Variants in OSBPL3 observed in about 807,000 individuals in gnomAD.
The protein encoded by OSBPL3 is oxysterol binding protein like 3, also known as oxysterol-binding protein-related protein 3.
OSBPL3 carries 65 observed loss-of-function variants against 120.1 expected under a neutral mutation model. The ratio of observed to expected loss-of-function variants is 0.54; its 90% confidence interval spans 0.44 to 0.67. OSBPL3 has a LOEUF of 0.67. Ranked by LOEUF, OSBPL3 falls within the 30% of genes least tolerant of loss-of-function variation. OSBPL3 has a pLI of 0.00. For missense variants in OSBPL3, 1,004 were observed against 1,082.1 expected, an observed-to-expected ratio of 0.93 and a Z score of 1.01; for synonymous variants, 416 against 402.6, an observed-to-expected ratio of 1.03 and a Z score of -0.40.
chr7:24,841,717 A>G (rs13310969), intron 13 of OSBPL3, among the ~76,000 whole-genome samples: 2,454 of 82,386 alleles, frequency 0.03, 268 homozygotes, highest in African/African-American at 0.059. Context: ...AAAAAAAAAA[A>G]AAAAGAGGCC....
intron 1 of OSBPL3, among the ~76,000 whole-genome samples, 200 bp downstream of exon 1, chr7:24,979,686 C>T (rs1416911838): frequency 6.6e-6 from 1 of 152,164 alleles, no homozygotes; most frequent in African/African-American, 2.4e-5. Flanking sequence ...CCCGGGTCCT[C>T]CTTCCCCGGG....
chr7:24,974,495 G>A (rs1333875819), intron 1 of OSBPL3, among the ~76,000 whole-genome samples: 1 of 152,154 alleles, frequency 6.6e-6, no homozygotes, highest in Non-Finnish European at 1.5e-5. Flanking sequence ...CTTGTGCCAG[G>A]TTCTGTTCTA....
At position 24,892,848 on chromosome 7, in the gene OSBPL3, T is replaced by C. The variant is rs183549257; in HGVS notation, c.-149-227A>G. ...AATATAGCAGGCTTAAGAACATTAA[T>C]ACAAAAATTTGAGTCCAGACACATA... On this transcript the variant is annotated intron_variant, in intron 1 of 22. Transcript: ENST00000313367. Among the ~76,000 whole-genome samples, 185 of 152,314 alleles carry C rather than the reference T, an allele frequency of 1.2e-3. 1 individual carries two copies. The highest frequency in any genetic ancestry group is 2.2e-3 in the Non-Finnish European group (153 of 68,030).
At position 24,804,516 on chromosome 7, in the gene OSBPL3, G is replaced by T; in HGVS notation, c.2445-79C>A. On this transcript the variant is annotated intron_variant, in intron 21 of 22. Transcript: ENST00000313367. The surrounding 1 kb of genome is among the most constrained non-coding windows in gnomAD (Gnocchi z 5.4). ...AATCATTACTACTCAACTTGCATGT[G>T]TCCACGACTGGATATTCAAAATCCT... The T allele has an allele frequency of 7.4e-7, 1 of 1,350,136 alleles. No individual in the cohort carries two copies. The allele number at this position is 1,350,136 out of a possible 1,614,324, so 83.6% of individuals were successfully genotyped here.
At chr7:24,847,066 A>C in intron 12 of OSBPL3, among the ~76,000 whole-genome samples, 1 of 151,678 alleles carries the variant, frequency 6.6e-6, no homozygotes, top group Non-Finnish European at 1.5e-5. Context: ...TCTCAAAAAA[A>C]AAAAAAAAAA....
chr7:24,946,391 C>A lies in OSBPL3; in HGVS notation c.-150+33495G>T, dbSNP rs953572885. Among the ~76,000 whole-genome samples, 1 of 152,116 alleles carries A rather than the reference C, an allele frequency of 6.6e-6. No homozygotes were observed. The highest frequency in any genetic ancestry group is 2.4e-5 in the African/African-American group (1 of 41,430). ...AACTCGTATTTAAGAGAAGGGTACA[C>A]AGACCTCACCTATCAATGAAAGAAC... is the stretch of plus-strand genomic sequence containing the variant. On this transcript the variant is annotated intron_variant, in intron 1 of 22. Coordinates refer to ENST00000313367, the MANE Select transcript of OSBPL3 (RefSeq NM_015550.4). The surrounding 1 kb of genome is among the most constrained non-coding windows in gnomAD (Gnocchi z 4.3).
chr7:24,962,550 G>T (rs1815910993), intron 1 of OSBPL3, among the ~76,000 whole-genome samples: 1 of 152,000 alleles, frequency 6.6e-6, no homozygotes, highest in Admixed American at 6.5e-5. Flanking sequence ...CCAGTAGCTG[G>T]TTCAGGATTA....
chr7:24,903,680 C>T (rs1807403016), intron 1 of OSBPL3, among the ~76,000 whole-genome samples: 1 of 152,132 alleles, frequency 6.6e-6, no homozygotes, highest in South Asian at 2.1e-4. Flanking sequence ...ACACATCCAC[C>T]CCTGTGTCTG....
At position 24,891,124 on chromosome 7, in the gene OSBPL3, C is replaced by T. The variant is rs1011517492; in HGVS notation, c.96+1253G>A. Among the ~76,000 whole-genome samples the T allele has an allele frequency of 1.3e-5, 2 of 151,958 alleles. No homozygotes were observed. Among genetic ancestry groups the T allele is most frequent in the African/African-American group, 4.8e-5 (2 of 41,366 alleles). Reference sequence around the variant, plus strand: ...GAAAAATACTCCTGTGGAAAGCTGACAAAGAGGACAAGCACAGTGACCCTC... The same window carrying T: ...GAAAAATACTCCTGTGGAAAGCTGATAAAGAGGACAAGCACAGTGACCCTC... On this transcript the variant is annotated intron_variant, in intron 2 of 22. Coordinates refer to ENST00000313367, the MANE Select transcript of OSBPL3 (RefSeq NM_015550.4). The surrounding 1 kb of genome is among the most constrained non-coding windows in gnomAD (Gnocchi z 4.1).
At position 24,933,883 on chromosome 7, in the gene OSBPL3, T is replaced by C. The variant is rs1215554436; in HGVS notation, c.-149-41262A>G. On this transcript the variant is annotated intron_variant, in intron 1 of 22. Coordinates refer to ENST00000313367, the MANE Select transcript of OSBPL3 (RefSeq NM_015550.4). This position sits in a 1 kb window ranked among gnomAD's most constrained non-coding sequence, Gnocchi z 5.1. ...CAAGAGCTATGCCACTTAGCATAAA[T>C]AGAGTAAAACAACAAATACTAAGAT... 6.6e-6 allele frequency among the ~76,000 whole-genome samples: 1 copy of C among 152,198 alleles called. No homozygotes were observed. Among genetic ancestry groups the C allele is most frequent in the South Asian group, 2.1e-4 (1 of 4,838 alleles).
intron 1 of OSBPL3, among the ~76,000 whole-genome samples, chr7:24,956,361 G>A (rs1215082662): frequency 6.6e-6 from 1 of 152,244 alleles, no homozygotes; most frequent in African/African-American, 2.4e-5. Context: ...TTATTCATTA[G>A]GGGATAAGGG....
intron 1 of OSBPL3, among the ~76,000 whole-genome samples, chr7:24,917,382 C>CATATATATATATTTGTAACATATATATAT (rs1562924515): frequency 7.2e-5 from 7 of 97,040 alleles, no homozygotes; most frequent in South Asian, 4.3e-4. Context: ...ATATTTGTAA[C>CATATATATATATTTGTAACATATATATAT]ATATATATAT....
intron 10 of OSBPL3, among the ~76,000 whole-genome samples, chr7:24,858,066 A>G (rs1464855629): frequency 6.6e-6 from 1 of 152,236 alleles, no homozygotes; most frequent in East Asian, 1.9e-4. Flanking sequence ...ATCCACACAA[A>G]GCCAGAAACA....
chr7:24,980,113 TC>T lies in OSBPL3; in HGVS notation c.-378del. On this transcript the variant is annotated 5_prime_UTR_variant, in exon 1 of 23. Coordinates refer to ENST00000313367, the MANE Select transcript of OSBPL3 (RefSeq NM_015550.4). The stretch of plus-strand genomic sequence containing the variant: ...GGCCGCGAAGCGCTCAAGTCCCCTC[TC>T]CCGGGCCGGCTGGCGGGCGCCACCA... The T allele has an allele frequency of 1.1e-6, 1 of 933,164 alleles. No individual in the cohort carries two copies. The highest frequency in any genetic ancestry group is 1.3e-6 in the Non-Finnish European group (1 of 782,944). The allele number at this position is 933,164 out of a possible 1,614,324, so 57.8% of individuals were successfully genotyped here.
rs1456566850 is a variant in OSBPL3 at position 24,883,193 on chromosome 7, A to G, written c.96+9184T>C. ...CTGAAGTAGGAACAGAGAGGAGGTG[A>G]TTTAGGGTGATGTGGGCTTGTGAAC... On this transcript the variant is annotated intron_variant, in intron 2 of 22. Transcript: ENST00000313367. The surrounding 1 kb of genome is among the most constrained non-coding windows in gnomAD (Gnocchi z 5.4). 2.6e-5 allele frequency among the ~76,000 whole-genome samples: 4 copies of G among 152,240 alleles called. No homozygotes were observed. In the East Asian group the frequency reaches 7.7e-4, roughly 29 times the overall value.
chr7:24,840,122 T>C (rs1797546368), intron 14 of OSBPL3, among the ~76,000 whole-genome samples: 1 of 151,094 alleles, frequency 6.6e-6, no homozygotes, highest in Admixed American at 6.6e-5. Context: ...TTAACACATC[T>C]TTCACATGTG....
intron 1 of OSBPL3, among the ~76,000 whole-genome samples, chr7:24,926,306 T>C (rs191486159): frequency 6.6e-6 from 1 of 152,306 alleles, no homozygotes; most frequent in East Asian, 1.9e-4. Context: ...TAAGAGGTCA[T>C]CTAGCTGCAA....
At chr7:24,844,116 G>A (rs1008601110) in intron 12 of OSBPL3, among the ~76,000 whole-genome samples, 2 of 152,146 alleles carry the variant, frequency 1.3e-5, no homozygotes, top group African/African-American at 2.4e-5. Flanking sequence ...CAGCACTGCT[G>A]CACCCCAAGT....
intron 1 of OSBPL3, among the ~76,000 whole-genome samples, chr7:24,971,337 T>G (rs371303499): frequency 6.6e-6 from 1 of 152,112 alleles, no homozygotes; most frequent in Admixed American, 6.5e-5. Context: ...ATTTGGTAAA[T>G]GAAGCCAAAG....
Sources: gnomAD v4.1 joint callset for allele counts (sites outside exome capture counted in the v4.1 genomes callset) on GRCh38, gnomAD v4.1.1 for gene constraint, Gnocchi (gnomAD v3.1) non-coding constraint, MANE v1.5 for transcripts, NCBI Gene and HGNC (gene_info 2026-07-23, HGNC 2026-07-21) for gene names.